Variants in IGF2BP3 observed in about 807,000 individuals in gnomAD.
IGF2BP3 encodes insulin-like growth factor 2 mRNA-binding protein 3.
In IGF2BP3, 9 loss-of-function variants were observed where a neutral mutation model predicts 73.8. The observed-to-expected ratio is 0.12, with a 90% CI of 0.07 to 0.21. IGF2BP3 has a LOEUF of 0.21. Among genes scored for constraint, IGF2BP3 ranks in the 10% least tolerant of loss-of-function variants. IGF2BP3 has a pLI of 1.00. For synonymous variants in IGF2BP3, 258 were observed against 256.7 expected (o/e 1.01, Z -0.05); for missense variants, 542 against 714.0 (o/e 0.76, Z 2.75).
intron 2 of IGF2BP3, among the ~76,000 whole-genome samples, chr7:23,419,451 A>T (rs1424640295): frequency 6.6e-6 from 1 of 152,232 alleles, no homozygotes; most frequent in African/African-American, 2.4e-5. Context: ...TGTTGCTAGA[A>T]CTTGTTGCTT....
At chr7:23,462,740 T>C (rs1156295383) in intron 2 of IGF2BP3, among the ~76,000 whole-genome samples, 8 of 152,220 alleles carry the variant, frequency 5.3e-5, no homozygotes, top group African/African-American at 1.9e-4. Flanking sequence ...AAAATATCTA[T>C]AGTTTATGTA....
intron 2 of IGF2BP3, among the ~76,000 whole-genome samples, chr7:23,432,169 T>C (rs986745887): frequency 2.0e-5 from 3 of 152,208 alleles, no homozygotes; most frequent in Non-Finnish European, 2.9e-5. Context: ...TCTCCATCTA[T>C]GTAGAACAGA....
chr7:23,325,247 C>T (rs907864775), intron 10 of IGF2BP3, among the ~76,000 whole-genome samples: 25 of 152,136 alleles, frequency 1.6e-4, no homozygotes, highest in African/African-American at 5.3e-4. Flanking sequence ...AATCAATGTA[C>T]AAAAATCACA....
Position 23,326,085 on chromosome 7 carries a change from G to C in IGF2BP3, c.1204-6831C>G, listed in dbSNP as rs1201495690. ...ACAAATGGGATCTAATTAAACTAAA[G>C]AGCTTCTGCACAGCAAAAGAAACTA... On this transcript the variant is annotated intron_variant, in intron 10 of 14. Transcript: ENST00000258729. Among the ~76,000 whole-genome samples, 3 of 152,202 alleles carry C rather than the reference G, an allele frequency of 2.0e-5. No homozygotes were observed. The East Asian group carries it at 5.8e-4, about 29-fold the overall frequency.
intron 3 of IGF2BP3, among the ~76,000 whole-genome samples, chr7:23,404,102 A>G (rs1786753399): frequency 6.6e-6 from 1 of 151,776 alleles, no homozygotes; most frequent in Non-Finnish European, 1.5e-5. Context: ...TGATCGTGCC[A>G]CCTGACTCCA....
At chr7:23,381,892 G>A (rs564516233) in intron 3 of IGF2BP3, among the ~76,000 whole-genome samples, 10 of 151,808 alleles carry the variant, frequency 6.6e-5, no homozygotes, top group East Asian at 2.0e-4. Context: ...AATTTTTAAC[G>A]TCAAAGTCCA....
chr7:23,320,171 C>G (rs1336776470), intron 10 of IGF2BP3, among the ~76,000 whole-genome samples: 2 of 152,128 alleles, frequency 1.3e-5, no homozygotes, highest in African/African-American at 4.8e-5. Context: ...CTTGGCCTCC[C>G]AAAGTGCTGG....
chr7:23,432,004 G>C (rs1471205032), intron 2 of IGF2BP3, among the ~76,000 whole-genome samples: 1 of 152,168 alleles, frequency 6.6e-6, no homozygotes, highest in African/African-American at 2.4e-5. Flanking sequence ...CAATGAGCAA[G>C]GGAACAAAGT....
At chr7:23,313,370 C>CAG (rs1783886629) in intron 13 of IGF2BP3, 152 bp downstream of exon 13, 1 of 783,042 alleles carries the variant, frequency 1.3e-6, no homozygotes. Flanking sequence ...CACCAACACT[C>CAG]AGACAGGAAA....
intron 8 of IGF2BP3, among the ~76,000 whole-genome samples, chr7:23,345,493 A>G (rs12700422): frequency 0.14 from 21,678 of 152,208 alleles, 1,996 homozygotes; most frequent in Admixed American, 0.2. Flanking sequence ...GCCAACAGCC[A>G]GCATCAACTT....
chr7:23,408,006 C>T (rs1394277414), intron 3 of IGF2BP3, among the ~76,000 whole-genome samples: 3 of 149,512 alleles, frequency 2.0e-5, no homozygotes, highest in South Asian at 4.3e-4. Context: ...CTAAAAACTA[C>T]ATGATAATAT....
intron 5 of IGF2BP3, among the ~76,000 whole-genome samples, chr7:23,357,433 C>T (rs1170418053): frequency 3.9e-5 from 6 of 152,010 alleles, no homozygotes; most frequent in Admixed American, 1.3e-4. Flanking sequence ...ATTCCTATTC[C>T]CTAACAAAAA....
At chr7:23,409,880 A>C (rs1228112730) in intron 3 of IGF2BP3, among the ~76,000 whole-genome samples, 2 of 152,190 alleles carry the variant, frequency 1.3e-5, no homozygotes, top group Non-Finnish European at 2.9e-5. Flanking sequence ...TAAAATTTAA[A>C]ACTTTTGGCC....
chr7:23,384,128 T>C (rs1251192054), intron 3 of IGF2BP3, among the ~76,000 whole-genome samples: 2 of 149,744 alleles, frequency 1.3e-5, no homozygotes, highest in African/African-American at 2.5e-5. Flanking sequence ...AATAAAAGTC[T>C]GGATACAGGC....
At chr7:23,336,460 A>G (rs1012300636) in intron 10 of IGF2BP3, among the ~76,000 whole-genome samples, 1 of 150,164 alleles carries the variant, frequency 6.7e-6, no homozygotes. Flanking sequence ...TTTTTTTTTT[A>G]AATAACATCA....
At chr7:23,422,745 T>C (rs943061766) in intron 2 of IGF2BP3, among the ~76,000 whole-genome samples, 1 of 152,240 alleles carries the variant, frequency 6.6e-6, no homozygotes, top group African/African-American at 2.4e-5. Context: ...TTCCCTTACC[T>C]GATACTCTTA....
intron 10 of IGF2BP3, among the ~76,000 whole-genome samples, chr7:23,330,088 C>T (rs921707954): frequency 2.6e-5 from 4 of 151,982 alleles, no homozygotes; most frequent in South Asian, 4.1e-4. Flanking sequence ...AGTTCGACAC[C>T]AGCCTGGCCA....
chr7:23,449,558 T>TC (rs1013375765), intron 2 of IGF2BP3, among the ~76,000 whole-genome samples: 7 of 69,578 alleles, frequency 1.0e-4, no homozygotes, highest in African/African-American at 3.1e-4. Context: ...CTTTTTCTTT[T>TC]TTTTTTTTTT....
chr7:23,313,101 G>C (rs1783878006), intron 13 of IGF2BP3, among the ~76,000 whole-genome samples: 1 of 152,216 alleles, frequency 6.6e-6, no homozygotes, highest in Non-Finnish European at 1.5e-5. Context: ...CAAAGTGTAT[G>C]TACTCAATCA....
Sources: allele counts gnomAD v4.1 joint callset (sites outside exome capture counted in the v4.1 genomes callset), GRCh38; gene constraint gnomAD v4.1.1; transcripts MANE v1.5; gene names NCBI Gene and HGNC (gene_info 2026-07-23, HGNC 2026-07-21).